LRP1B: variants seen among roughly 807,000 people sequenced by gnomAD.
LRP1B encodes low-density lipoprotein receptor-related protein 1B.
A neutral mutation model predicts 556.6 loss-of-function variants in LRP1B; 217 were observed. The observed-to-expected ratio is 0.39, with a 90% CI of 0.35 to 0.44. The LOEUF (loss-of-function observed/expected upper bound fraction) is 0.44, where lower values mean the gene tolerates loss of function less well. LRP1B is among the 20% of genes least tolerant of loss of function. LRP1B has a pLI of 1.00. For missense variants in LRP1B, 5,053 were observed against 5,620.8 expected, an observed-to-expected ratio of 0.90 and a Z score of 3.23; for synonymous variants, 2,047 against 1,865.8, an observed-to-expected ratio of 1.10 and a Z score of -2.50.
At chr2:141,308,111 TG>T (rs1328692774) in intron 3 of LRP1B, among the ~76,000 whole-genome samples, 1 of 152,144 alleles carries the variant, frequency 6.6e-6, no homozygotes. Flanking sequence ...GGCCCCTGCA[TG>T]GCATGTTCAG....
intron 1 of LRP1B, among the ~76,000 whole-genome samples, chr2:142,015,860 C>T (rs564443931): frequency 1.3e-5 from 2 of 151,500 alleles, no homozygotes; most frequent in African/African-American, 2.4e-5. Context: ...GGCGTGGTGG[C>T]GGGCGCCTGT....
intron 1 of LRP1B, among the ~76,000 whole-genome samples, chr2:141,847,233 A>G (rs897889584): frequency 8.6e-5 from 13 of 151,586 alleles, no homozygotes; most frequent in Non-Finnish European, 1.8e-4. Flanking sequence ...ACAACAAAAT[A>G]TATGTTATCT....
chr2:142,028,867 G>C (rs1703594972), intron 1 of LRP1B, among the ~76,000 whole-genome samples: 1 of 151,928 alleles, frequency 6.6e-6, no homozygotes, highest in Non-Finnish European at 1.5e-5. Context: ...AAAAAGTGTA[G>C]TGGTATTTCA....
chr2:140,973,076 ATATATT>A (rs1558774372), intron 18 of LRP1B, among the ~76,000 whole-genome samples: 2 of 112,868 alleles, frequency 1.8e-5, no homozygotes, highest in Non-Finnish European at 4.0e-5. Context: ...ATATATATAT[ATATATT>A]TCTAAACACA....
intron 84 of LRP1B, among the ~76,000 whole-genome samples, chr2:140,291,411 T>C (rs1423274627): frequency 1.3e-5 from 2 of 150,332 alleles, no homozygotes; most frequent in South Asian, 2.1e-4. Flanking sequence ...GCTGCACCCA[T>C]TAACTCGTCA....
chr2:140,347,945 G>A (rs1335116173), intron 77 of LRP1B, among the ~76,000 whole-genome samples: 4 of 151,950 alleles, frequency 2.6e-5, no homozygotes, highest in African/African-American at 7.2e-5. Flanking sequence ...TGTTTACATG[G>A]CACAAGTGTT....
intron 1 of LRP1B, among the ~76,000 whole-genome samples, chr2:141,921,488 T>C (rs760435810): frequency 8.6e-5 from 13 of 152,016 alleles, no homozygotes; most frequent in African/African-American, 1.2e-4. Flanking sequence ...TGTGTGTGTA[T>C]ATATTCACAT....
intron 1 of LRP1B, among the ~76,000 whole-genome samples, chr2:141,872,875 A>C (rs1698635200): frequency 6.6e-6 from 1 of 152,028 alleles, no homozygotes; most frequent in Non-Finnish European, 1.5e-5. Flanking sequence ...CAAAGTCCTT[A>C]TTATCCAACC....
At chr2:140,493,649 A>AT (rs1219882148) in intron 56 of LRP1B, among the ~76,000 whole-genome samples, 8 of 152,160 alleles carry the variant, frequency 5.3e-5, no homozygotes, top group African/African-American at 1.7e-4. Context: ...AGAAATTAGA[A>AT]AAAAAAACAC....
intron 43 of LRP1B, among the ~76,000 whole-genome samples, chr2:140,550,755 G>C (rs1680518780): frequency 6.6e-6 from 1 of 152,140 alleles, no homozygotes; most frequent in South Asian, 2.1e-4. Flanking sequence ...TTTCTTTAGA[G>C]ATAGCATGTC....
chr2:140,967,795 A>C (rs1283110282), intron 18 of LRP1B, among the ~76,000 whole-genome samples: 1 of 152,088 alleles, frequency 6.6e-6, no homozygotes, highest in Non-Finnish European at 1.5e-5. Context: ...CTATTGAAAT[A>C]ATCATGTGTT....
chr2:141,335,006 G>C (rs1426242879), intron 3 of LRP1B, among the ~76,000 whole-genome samples: 1 of 152,168 alleles, frequency 6.6e-6, no homozygotes, highest in Non-Finnish European at 1.5e-5. Context: ...TTAACTCATT[G>C]TTGATTAAGA....
chr2:141,867,395 A>T (rs1351121493), intron 1 of LRP1B, among the ~76,000 whole-genome samples: 1 of 152,138 alleles, frequency 6.6e-6, no homozygotes, highest in Non-Finnish European at 1.5e-5. Flanking sequence ...AAAAGAAGAC[A>T]ATAGATACCA....
At chr2:142,098,391 T>C (rs1706453178) in intron 1 of LRP1B, among the ~76,000 whole-genome samples, 1 of 151,746 alleles carries the variant, frequency 6.6e-6, no homozygotes, top group Admixed American at 6.6e-5. Context: ...AAAATATATA[T>C]TTGAATTGCT....
At chr2:141,339,019 G>A (rs3109352) in intron 3 of LRP1B, among the ~76,000 whole-genome samples, 91,559 of 151,594 alleles carry the variant, frequency 0.6, 28,481 homozygotes, top group African/African-American at 0.68. Context: ...ATTTTCTCTC[G>A]GTGAGAATGT....
intron 62 of LRP1B, among the ~76,000 whole-genome samples, chr2:140,454,560 T>C (rs1031614523): frequency 3.9e-5 from 6 of 152,240 alleles, no homozygotes; most frequent in Non-Finnish European, 8.8e-5. Flanking sequence ...TTGTTTGTTC[T>C]GTCTTGCTAT....
intron 3 of LRP1B, among the ~76,000 whole-genome samples, chr2:141,373,932 G>A (rs561803588): frequency 2.2e-4 from 33 of 151,878 alleles, no homozygotes; most frequent in African/African-American, 7.7e-4. Context: ...TCTTTTGTGA[G>A]ATTGTTTTAT....
intron 35 of LRP1B, among the ~76,000 whole-genome samples, chr2:140,755,084 A>G (rs1274190092): frequency 1.3e-5 from 2 of 152,112 alleles, no homozygotes; most frequent in African/African-American, 4.8e-5. Context: ...GATAAAATGT[A>G]CAAATTTTTC....
At position 141,668,642 on chromosome 2, in the gene LRP1B, C is replaced by T. The variant is rs182635969; in HGVS notation, c.205+141637G>A. ...GCTCCCTGTCCATCTCACTGAGAGC[C>T]TTCTCCACCACTCACAAAACCCCTG... is the stretch of plus-strand genomic sequence containing the variant. On this transcript the variant is annotated intron_variant, in intron 2 of 90. Coordinates refer to ENST00000389484, the MANE Select transcript of LRP1B (RefSeq NM_018557.3). Among the ~76,000 whole-genome samples, 722 of 152,234 alleles carry T rather than the reference C, an allele frequency of 4.7e-3. 4 individuals carry two copies. The highest frequency in any genetic ancestry group is 0.016 in the African/African-American group (672 of 41,536).
Sources: gnomAD v4.1 joint callset for allele counts (sites outside exome capture counted in the v4.1 genomes callset) on GRCh38, gnomAD v4.1.1 for gene constraint, MANE v1.5 for transcripts, NCBI Gene and HGNC (gene_info 2026-07-23, HGNC 2026-07-21) for gene names.